SUPT3H: variants seen among roughly 807,000 people sequenced by gnomAD.
SUPT3H encodes the protein transcription initiation protein SPT3 homolog.
In SUPT3H, 44 loss-of-function variants were observed where a neutral mutation model predicts 44.3. That is an observed-to-expected ratio of 0.99 (90% CI 0.78 to 1.28). SUPT3H has a LOEUF of 1.28. Ranked by LOEUF, SUPT3H falls within the 50% of genes most tolerant of loss-of-function variation. The pLI is 0.00. For missense variants in SUPT3H, 380 were observed against 387.1 expected (o/e 0.98, Z 0.15); for synonymous variants, 124 against 125.6 (o/e 0.99, Z 0.09).
chr6:45,113,472 GT>G (rs1485614002), intron 2 of SUPT3H, among the ~76,000 whole-genome samples: 1 of 152,120 alleles, frequency 6.6e-6, no homozygotes, highest in Non-Finnish European at 1.5e-5. Context: ...TTACCCACCT[GT>G]TTTCAAAGGA....
chr6:44,887,792 G>A (rs573808036), intron 10 of SUPT3H, among the ~76,000 whole-genome samples: 2 of 151,292 alleles, frequency 1.3e-5, no homozygotes, highest in African/African-American at 2.4e-5. Flanking sequence ...AGGAAATAGA[G>A]ACACAAAAAA....
chr6:44,998,434 T>C (rs1781555674), intron 6 of SUPT3H, among the ~76,000 whole-genome samples: 2 of 151,956 alleles, frequency 1.3e-5, no homozygotes, highest in Non-Finnish European at 2.9e-5. Flanking sequence ...GCTATATCAT[T>C]ATTCACTGCT....
rs1792516675 is a variant in SUPT3H at position 45,063,270 on chromosome 6, C to T, written c.187-42638G>A. Among the ~76,000 whole-genome samples, 3 of 147,104 alleles carry T rather than the reference C, an allele frequency of 2.0e-5. No homozygotes were observed. The Admixed American group carries it at 2.0e-4, about 10-fold the overall frequency. The stretch of plus-strand genomic sequence containing the variant: ...AGGGTCCTGTCTGTTAGAAGGAAAA[C>T]TAACAAACAGAAAGGACATCCACAC... On this transcript the variant is annotated intron_variant, in intron 3 of 10. Coordinates refer to ENST00000371459, the MANE Select transcript of SUPT3H (RefSeq NM_003599.4).
intron 2 of SUPT3H, among the ~76,000 whole-genome samples, chr6:45,352,535 A>G (rs1279406036): frequency 6.6e-6 from 1 of 152,158 alleles, no homozygotes; most frequent in Non-Finnish European, 1.5e-5. Context: ...AACTATAAAA[A>G]TAAATCTATA....
intron 2 of SUPT3H, among the ~76,000 whole-genome samples, chr6:45,266,927 A>T (rs767092944): frequency 6.6e-6 from 1 of 152,160 alleles, no homozygotes; most frequent in African/African-American, 2.4e-5. Context: ...AAAATTCCAC[A>T]ACTGACCTCA....
intron 2 of SUPT3H, among the ~76,000 whole-genome samples, chr6:45,364,254 CTAAG>C (rs1195073862): frequency 1.3e-5 from 2 of 152,248 alleles, no homozygotes; most frequent in South Asian, 2.1e-4. Context: ...AGCTCCTGAA[CTAAG>C]TGTTTTCAAT....
chr6:45,269,500 G>A (rs56799714), intron 2 of SUPT3H, among the ~76,000 whole-genome samples: 283 of 152,186 alleles, frequency 1.9e-3, no homozygotes, highest in African/African-American at 6.4e-3. Context: ...TATTAGGCAC[G>A]CACTTTATCT....
At chr6:45,223,246 T>C (rs1390473153) in intron 2 of SUPT3H, among the ~76,000 whole-genome samples, 1 of 152,108 alleles carries the variant, frequency 6.6e-6, no homozygotes, top group Non-Finnish European at 1.5e-5. Flanking sequence ...TCAATGTTAA[T>C]ATTCTAATTT....
rs12661877 is a variant in SUPT3H at position 45,162,489 on chromosome 6, A to C, written c.102-56483T>G. The stretch of plus-strand genomic sequence containing the variant: ...CAGTGAGCCAAGATCATGCCACTGC[A>C]TTCCAGCCTGGGCAACAGTGCAAAA... On this transcript the variant is annotated intron_variant, in intron 2 of 10. Transcript: ENST00000371459. Among the ~76,000 whole-genome samples the C allele has an allele frequency of 0.013, 1,958 of 152,298 alleles. 103 individuals carry two copies. The East Asian group carries it at 0.14, about 11-fold the overall frequency.
intron 2 of SUPT3H, among the ~76,000 whole-genome samples, chr6:45,120,126 C>T (rs964813350): frequency 3.3e-5 from 5 of 151,694 alleles, no homozygotes; most frequent in Non-Finnish European, 7.4e-5. Flanking sequence ...GTGGCAGAAA[C>T]GAGATTCCAA....
At chr6:44,820,429 G>A (rs1244456027) in intron 11 of SUPT3H, among the ~76,000 whole-genome samples, 1 of 152,122 alleles carries the variant, frequency 6.6e-6, no homozygotes, top group East Asian at 1.9e-4. Flanking sequence ...GGAAAGTCAA[G>A]GGGAAGCTGA....
At chr6:45,243,181 G>C (rs1770685690) in intron 2 of SUPT3H, among the ~76,000 whole-genome samples, 1 of 115,064 alleles carries the variant, frequency 8.7e-6, no homozygotes, top group Non-Finnish European at 1.6e-5. Context: ...CTGGGAAACA[G>C]AGCGAGACTC....
intron 6 of SUPT3H, among the ~76,000 whole-genome samples, chr6:44,981,867 A>G (rs1779132316): frequency 9.1e-6 from 1 of 110,042 alleles, no homozygotes; most frequent in Non-Finnish European, 1.8e-5. Flanking sequence ...TCTACATGAC[A>G]TGAAAAAAAA....
chr6:45,168,919 A>G (rs891776313), intron 2 of SUPT3H, among the ~76,000 whole-genome samples: 1 of 152,224 alleles, frequency 6.6e-6, no homozygotes, highest in Non-Finnish European at 1.5e-5. Context: ...GAAGTTGTCA[A>G]AAACTGATCA....
At chr6:45,144,050 T>TA (rs1562543946) in intron 2 of SUPT3H, among the ~76,000 whole-genome samples, 1 of 151,862 alleles carries the variant, frequency 6.6e-6, no homozygotes, top group African/African-American at 2.4e-5. Context: ...AAAACAGTAA[T>TA]AAAAAAATTG....
At chr6:45,248,189 T>G (rs1475044223) in intron 2 of SUPT3H, among the ~76,000 whole-genome samples, 2 of 151,176 alleles carry the variant, frequency 1.3e-5, no homozygotes, top group Non-Finnish European at 3.0e-5. Context: ...ATGTACAGAG[T>G]TCCTAGATAT....
intron 6 of SUPT3H, among the ~76,000 whole-genome samples, chr6:44,967,106 C>T (rs1395479351): frequency 2.0e-5 from 3 of 152,158 alleles, no homozygotes; most frequent in Admixed American, 1.3e-4. Context: ...ACTAGTATTA[C>T]AATATAGCTA....
intron 2 of SUPT3H, among the ~76,000 whole-genome samples, chr6:45,126,620 GT>G: frequency 6.6e-6 from 1 of 152,070 alleles, no homozygotes; most frequent in East Asian, 1.9e-4. Context: ...ATAATTAAGG[GT>G]TCCCCCAAAA....
chr6:44,916,142 A>G (rs1353417034), intron 10 of SUPT3H, among the ~76,000 whole-genome samples: 1 of 152,206 alleles, frequency 6.6e-6, no homozygotes, highest in African/African-American at 2.4e-5. Flanking sequence ...ACTCCACACT[A>G]GTAGAAGTTT....
Sources: allele counts gnomAD v4.1 joint callset (sites outside exome capture counted in the v4.1 genomes callset), GRCh38; gene constraint gnomAD v4.1.1; transcripts MANE v1.5; gene names NCBI Gene and HGNC (gene_info 2026-07-23, HGNC 2026-07-21).